The following LALBA variants were observed in gnomAD, a reference collection of about 807,000 sequenced individuals.
LALBA encodes lactalbumin alpha, also known as alpha-lactalbumin.
In LALBA, 12 loss-of-function variants were observed where a neutral mutation model predicts 13.4. The ratio of observed to expected loss-of-function variants is 0.89; its 90% confidence interval spans 0.57 to 1.45. The LOEUF (loss-of-function observed/expected upper bound fraction) is 1.45, where lower values mean the gene tolerates loss of function less well. Ranked by LOEUF, LALBA falls within the 40% of genes most tolerant of loss-of-function variation. The probability of loss-of-function intolerance (pLI) is 0.00; values close to 1 mark genes in which losing one functional copy is unlikely to be tolerated. For missense variants in LALBA, 145 were observed against 165.9 expected (o/e 0.87, Z 0.69); for synonymous variants, 64 against 61.0 (o/e 1.05, Z -0.23).
chr12:48,570,108 C>A, upstream of LALBA: 1 of 1,397,788 alleles, frequency 7.2e-7, no homozygotes, highest in Non-Finnish European at 1.0e-6. Context: ...GCTCTGGTAC[C>A]AAGCCCTACA....
Sources: allele counts gnomAD v4.1 joint callset, GRCh38; gene constraint gnomAD v4.1.1; transcripts MANE v1.5; gene names NCBI Gene and HGNC (gene_info 2026-07-23, HGNC 2026-07-21).